MAGI2: variants seen among roughly 807,000 people sequenced by gnomAD.
The protein encoded by MAGI2 is membrane-associated guanylate kinase, WW and PDZ domain-containing protein 2.
A neutral mutation model predicts 133.3 loss-of-function variants in MAGI2; 35 were observed. The ratio of observed to expected loss-of-function variants is 0.26; its 90% CI spans 0.20 to 0.35. The LOEUF (loss-of-function observed/expected upper bound fraction) is 0.35, where lower values mean the gene tolerates loss of function less well. Ranked by LOEUF, MAGI2 falls within the 10% of genes least tolerant of loss-of-function variation. The pLI is 1.00. For synonymous variants in MAGI2, 729 were observed against 710.6 expected (o/e 1.03, Z -0.41); for missense variants, 1,636 against 1,863.4 (o/e 0.88, Z 2.25).
rs183355542 is a variant in MAGI2 at position 78,775,302 on chromosome 7, G to T, written c.419-148063C>A. 4.7e-4 allele frequency among the ~76,000 whole-genome samples: 54 copies of T among 114,144 alleles called. No individual in the cohort carries two copies. The East Asian group carries it at 0.015, about 31-fold the overall frequency. The allele number at this position is 114,144 out of a possible 152,430, so 74.9% of individuals were successfully genotyped here. On this transcript the variant is annotated intron_variant, in intron 2 of 21. Coordinates refer to ENST00000354212, the MANE Select transcript of MAGI2 (RefSeq NM_012301.4). ...CACTCCAGCCTGGGCGACAGAGCGA[G>T]ACTCTGTCGTCTCAAATTAAAAAAA...
chr7:79,271,819 T>C (rs1834901663), intron 1 of MAGI2, among the ~76,000 whole-genome samples: 3 of 152,028 alleles, frequency 2.0e-5, no homozygotes, highest in Admixed American at 2.0e-4. Flanking sequence ...CTTGACTCTT[T>C]GTTAAAATTT....
At chr7:78,658,986 C>A (rs1445306594) in intron 2 of MAGI2, among the ~76,000 whole-genome samples, 1 of 152,144 alleles carries the variant, frequency 6.6e-6, no homozygotes, top group East Asian at 1.9e-4. Flanking sequence ...AGGGAAATGA[C>A]AAGTTATATT....
intron 9 of MAGI2, among the ~76,000 whole-genome samples, chr7:78,341,624 G>C (rs1043734835): frequency 6.6e-6 from 1 of 151,552 alleles, no homozygotes; most frequent in African/African-American, 2.4e-5. Flanking sequence ...CAGGCCAATG[G>C]AACAGAACAG....
chr7:78,322,072 C>T (rs556340903), intron 9 of MAGI2, among the ~76,000 whole-genome samples: 1 of 152,150 alleles, frequency 6.6e-6, no homozygotes, highest in Admixed American at 6.5e-5. Flanking sequence ...TACCCTCTCA[C>T]GCCAGTTAGA....
intron 15 of MAGI2, among the ~76,000 whole-genome samples, chr7:78,166,791 A>C (rs1157229947): frequency 6.6e-6 from 1 of 152,162 alleles, no homozygotes; most frequent in African/African-American, 2.4e-5. Context: ...ACATTTGCTA[A>C]GTTCTGGCCT....
At chr7:78,575,626 C>T (rs1802191475) in intron 3 of MAGI2, among the ~76,000 whole-genome samples, 1 of 152,164 alleles carries the variant, frequency 6.6e-6, no homozygotes, top group East Asian at 1.9e-4. Context: ...ATTGATCACA[C>T]ATCCCTTTAA....
At position 78,415,919 on chromosome 7, in the gene MAGI2, A is replaced by G. The variant is rs142389269; in HGVS notation, c.1046-46706T>C. 7.7e-4 allele frequency among the ~76,000 whole-genome samples: 117 copies of G among 152,248 alleles called. 2 individuals are homozygous for G. In the East Asian group the frequency reaches 0.02, roughly 26 times the overall value. ...ACACAATCCAATCCTTTGTATGATG[A>G]TGAGGCATTATAGTTCCAAGATGGA... On this transcript the variant is annotated intron_variant, in intron 6 of 21. Coordinates refer to ENST00000354212, the MANE Select transcript of MAGI2 (RefSeq NM_012301.4).
chr7:78,212,207 A>G (rs1397339666), intron 10 of MAGI2, among the ~76,000 whole-genome samples: 1 of 152,222 alleles, frequency 6.6e-6, no homozygotes, highest in African/African-American at 2.4e-5. Context: ...GTTTGGTGTG[A>G]TAGGTGGAAC....
chr7:78,575,079 G>T (rs1802125596), intron 3 of MAGI2, among the ~76,000 whole-genome samples: 1 of 151,812 alleles, frequency 6.6e-6, no homozygotes, highest in Admixed American at 6.6e-5. Context: ...TTGCCCACTG[G>T]GTCCCTCTCT....
At chr7:78,998,016 T>A (rs1405919967) in intron 2 of MAGI2, among the ~76,000 whole-genome samples, 3 of 152,188 alleles carry the variant, frequency 2.0e-5, no homozygotes, top group Non-Finnish European at 2.9e-5. Flanking sequence ...CTCATTATGT[T>A]TATTTTCCCA....
chr7:78,374,692 A>G (rs1794267757), intron 6 of MAGI2, among the ~76,000 whole-genome samples: 1 of 151,550 alleles, frequency 6.6e-6, no homozygotes, highest in Non-Finnish European at 1.5e-5. Flanking sequence ...TTCTTTTTTC[A>G]TTGTGTCTTG....
chr7:78,375,857 A>G (rs918588674), intron 6 of MAGI2, among the ~76,000 whole-genome samples: 6 of 152,148 alleles, frequency 3.9e-5, no homozygotes, highest in African/African-American at 9.7e-5. Context: ...AATCCTTAAT[A>G]TAAGTGAGTT....
At chr7:78,260,512 G>C (rs997658582) in intron 9 of MAGI2, among the ~76,000 whole-genome samples, 1 of 152,140 alleles carries the variant, frequency 6.6e-6, no homozygotes, top group South Asian at 2.1e-4. Flanking sequence ...GAGCTACTGT[G>C]AAAATGAGAT....
chr7:78,421,210 A>C (rs142520164), intron 6 of MAGI2, among the ~76,000 whole-genome samples: 135 of 152,272 alleles, frequency 8.9e-4, no homozygotes, highest in Non-Finnish European at 1.3e-3. Flanking sequence ...GATCAGCAAG[A>C]CTGGCTTTCC....
chr7:78,524,766 T>G (rs1478662499), intron 3 of MAGI2, among the ~76,000 whole-genome samples: 1 of 77,470 alleles, frequency 1.3e-5, no homozygotes, highest in Non-Finnish European at 2.5e-5. Context: ...GTAGCACAGC[T>G]TTCAGTAAGT....
At chr7:78,692,672 A>G (rs1244212379) in intron 2 of MAGI2, among the ~76,000 whole-genome samples, 1 of 152,224 alleles carries the variant, frequency 6.6e-6, no homozygotes, top group Non-Finnish European at 1.5e-5. Flanking sequence ...TCATGTATTT[A>G]AGTATCACAT....
intron 6 of MAGI2, among the ~76,000 whole-genome samples, chr7:78,482,647 C>T: frequency 6.6e-6 from 1 of 151,818 alleles, no homozygotes; most frequent in South Asian, 2.1e-4. Context: ...GAAAGTCAAT[C>T]TCAAAAGTTT....
At chr7:78,356,547 T>C (rs4730234) in intron 7 of MAGI2, among the ~76,000 whole-genome samples, 37,122 of 152,200 alleles carry the variant, frequency 0.24, 5,338 homozygotes, top group East Asian at 0.63. Flanking sequence ...CACTACACTT[T>C]ATAAGTATCA....
chr7:78,761,358 C>A (rs1439270829), intron 2 of MAGI2, among the ~76,000 whole-genome samples: 2 of 152,112 alleles, frequency 1.3e-5, no homozygotes, highest in African/African-American at 4.8e-5. Flanking sequence ...AGGCTGAAGT[C>A]TACAAAATTG....
Sources: gnomAD v4.1 joint callset for allele counts (sites outside exome capture counted in the v4.1 genomes callset) on GRCh38, gnomAD v4.1.1 for gene constraint, MANE v1.5 for transcripts, NCBI Gene and HGNC (gene_info 2026-07-23, HGNC 2026-07-21) for gene names.